The following GTF2E2 variants were observed in gnomAD, a reference collection of about 807,000 sequenced individuals.
The protein encoded by GTF2E2 is general transcription factor IIE subunit 2.
A neutral mutation model predicts 40.5 loss-of-function variants in GTF2E2; 21 were observed. The observed-to-expected ratio is 0.52, with a 90% confidence interval of 0.37 to 0.75. GTF2E2 has a LOEUF of 0.75. GTF2E2 is among the 30% of genes least tolerant of loss of function. GTF2E2 has a pLI of 0.00. For synonymous variants in GTF2E2, 117 were observed against 121.6 expected, an observed-to-expected ratio of 0.96 and a Z score of 0.25; for missense variants, 298 against 338.4, an observed-to-expected ratio of 0.88 and a Z score of 0.94.
chr8:30,647,706 T>C (rs770563217), intron 2 of GTF2E2, among the ~76,000 whole-genome samples: 2 of 152,256 alleles, frequency 1.3e-5, no homozygotes, highest in South Asian at 4.1e-4. Flanking sequence ...TTTGTGAAGC[T>C]TGGATATATA....
chr8:30,645,248 G>A, intron 2 of GTF2E2: 1 of 1,447,376 alleles, frequency 6.9e-7, no homozygotes, highest in Non-Finnish European at 9.1e-7. Flanking sequence ...TCTGTAGTTT[G>A]CTACATAAAT....
chr8:30,584,208 T>C (rs1828606061), intron 6 of GTF2E2, among the ~76,000 whole-genome samples: 3 of 152,074 alleles, frequency 2.0e-5, no homozygotes, highest in South Asian at 2.1e-4. Context: ...TTTTTTTTTT[T>C]TTCCTCCAGT....
rs529043232 is a variant in GTF2E2 at position 30,645,496 on chromosome 8, T to G, written c.166+7937A>C. 1.0e-5 allele frequency: 16 copies of G among 1,535,698 alleles called. No individual in the cohort carries two copies. The South Asian group carries it at 1.9e-4, about 18-fold the overall frequency. On this transcript the variant is annotated intron_variant, in intron 2 of 7. Coordinates refer to ENST00000355904, the MANE Select transcript of GTF2E2 (RefSeq NM_002095.6). Reference sequence around the variant, plus strand: ...CCTTTATGAAGTGCTTGACTGCTGCTGCTGTGTAAAAAACAAAACCGTGAA... The same window carrying G: ...CCTTTATGAAGTGCTTGACTGCTGCGGCTGTGTAAAAAACAAAACCGTGAA...
In GTF2E2 at chr8:30,635,120, T is replaced by C. The variant is rs752479061; in HGVS notation, c.170A>G (p.His57Arg). ...GSSGSKQNSD[H>R]SNGSFNLKAL... is the part of the protein sequence containing the mutation. ...TTTCAAGTTAAATGATCCATTGCTATGATCTGCAAATGAAGTTCAAAATAA... is the reference window on the plus strand; with the variant it reads ...TTTCAAGTTAAATGATCCATTGCTACGATCTGCAAATGAAGTTCAAAATAA... Residue 57 changes from histidine to arginine, a missense_variant, in exon 3 of 8, where the codon CAT becomes CGT. Physicochemically the swap from His to Arg is conservative, Grantham distance 29 (BLOSUM62 0). Coordinates refer to ENST00000355904, the MANE Select transcript of GTF2E2 (RefSeq NM_002095.6). 3.2e-6 allele frequency: 5 copies of C among 1,573,134 alleles called. No individual in the cohort carries two copies. The East Asian group carries it at 9.0e-5, about 28-fold the overall frequency.
chr8:30,587,890 A>AAC (rs1319647379), intron 6 of GTF2E2, among the ~76,000 whole-genome samples: 6 of 151,442 alleles, frequency 4.0e-5, no homozygotes, highest in Non-Finnish European at 5.9e-5. Context: ...AAAAAAAAAA[A>AAC]AAACCACACA....
At chr8:30,586,360 G>A (rs2978287) in intron 6 of GTF2E2, among the ~76,000 whole-genome samples, 122,500 of 152,070 alleles carry the variant, frequency 0.81, 50,195 homozygotes, top group African/African-American at 0.93. Flanking sequence ...CTGTGAATAC[G>A]TTACCATAAA....
chr8:30,654,097 A>G (rs1179619982), intron 1 of GTF2E2, among the ~76,000 whole-genome samples: 1 of 151,774 alleles, frequency 6.6e-6, no homozygotes, highest in Non-Finnish European at 1.5e-5. Context: ...TCAAAAAAAA[A>G]AAAAAAAAAG....
chr8:30,624,330 G>A (rs1801204773), intron 3 of GTF2E2, among the ~76,000 whole-genome samples: 1 of 151,998 alleles, frequency 6.6e-6, no homozygotes, highest in African/African-American at 2.4e-5. Flanking sequence ...GTAGATGTGT[G>A]GTATTATTTC....
At chr8:30,581,765 C>G (rs774393195) in intron 6 of GTF2E2, among the ~76,000 whole-genome samples, 3 of 152,154 alleles carry the variant, frequency 2.0e-5, no homozygotes, top group Non-Finnish European at 2.9e-5. Context: ...TCTCTAAGCT[C>G]CTTGAGAGCA....
chr8:30,641,834 C>T (rs973306367), intron 2 of GTF2E2, among the ~76,000 whole-genome samples: 1 of 151,834 alleles, frequency 6.6e-6, no homozygotes, highest in African/African-American at 2.4e-5. Flanking sequence ...CAAGATTGTG[C>T]CACTGCCATC....
At chr8:30,592,722 A>G (rs1441345433) in intron 6 of GTF2E2, among the ~76,000 whole-genome samples, 1 of 152,258 alleles carries the variant, frequency 6.6e-6, no homozygotes, top group Non-Finnish European at 1.5e-5. Context: ...AAACGTCTGT[A>G]TGTGTTTAAT....
intron 7 of GTF2E2, among the ~76,000 whole-genome samples, chr8:30,579,850 T>C (rs1267413362): frequency 6.6e-6 from 1 of 152,196 alleles, no homozygotes; most frequent in African/African-American, 2.4e-5. Context: ...ATCTGGTTCC[T>C]AGAGGACCTG....
chr8:30,604,279 T>C (rs909208145), intron 6 of GTF2E2, among the ~76,000 whole-genome samples: 10 of 152,256 alleles, frequency 6.6e-5, no homozygotes, highest in Admixed American at 2.6e-4. Flanking sequence ...AGAAAGGTTA[T>C]CTAGGAGTGT....
intron 1 of GTF2E2, among the ~76,000 whole-genome samples, chr8:30,654,088 CAAAA>C (rs11307086): frequency 1.4e-4 from 16 of 115,332 alleles, no homozygotes; most frequent in Admixed American, 2.7e-4. Flanking sequence ...GACCCTTGTT[CAAAA>C]AAAAAAAAAA....
intron 6 of GTF2E2, among the ~76,000 whole-genome samples, chr8:30,605,786 G>C (rs938372848): frequency 1.3e-5 from 2 of 152,080 alleles, no homozygotes; most frequent in Admixed American, 6.6e-5. Flanking sequence ...TCAGCCTTGT[G>C]AGTAGCTGAG....
At chr8:30,582,384 G>T (rs1828540252) in intron 6 of GTF2E2, among the ~76,000 whole-genome samples, 1 of 152,204 alleles carries the variant, frequency 6.6e-6, no homozygotes, top group Non-Finnish European at 1.5e-5. Context: ...TAACAAAAGG[G>T]TTACAAAATG....
intron 3 of GTF2E2, among the ~76,000 whole-genome samples, chr8:30,628,357 G>C (rs1420571399): frequency 6.6e-6 from 1 of 152,184 alleles, no homozygotes; most frequent in East Asian, 1.9e-4. Context: ...CACACACAAA[G>C]AGCAGGCTAA....
chr8:30,585,178 C>T (rs1828638741), intron 6 of GTF2E2: 1 of 152,574 alleles, frequency 6.6e-6, no homozygotes, highest in African/African-American at 2.4e-5. Flanking sequence ...AAGAGCGAAA[C>T]TCCGTCTCAA....
At chr8:30,646,700 G>C (rs900695249) in intron 2 of GTF2E2, among the ~76,000 whole-genome samples, 52 of 152,082 alleles carry the variant, frequency 3.4e-4, no homozygotes, top group African/African-American at 1.2e-3. Context: ...AGCAACTGAA[G>C]GCCAGGCACA....
Sources: allele counts gnomAD v4.1 joint callset (sites outside exome capture counted in the v4.1 genomes callset), GRCh38; gene constraint gnomAD v4.1.1; transcripts MANE v1.5; gene names NCBI Gene and HGNC (gene_info 2026-07-23, HGNC 2026-07-21).